NR5A2: variants seen among roughly 807,000 people sequenced by gnomAD.
NR5A2 encodes the protein nuclear receptor subfamily 5 group A member 2.
In NR5A2, 26 loss-of-function variants were observed where a neutral mutation model predicts 62.7. That is an observed-to-expected ratio of 0.41 (90% CI 0.30 to 0.58). The LOEUF (loss-of-function observed/expected upper bound fraction) is 0.58. NR5A2 is among the 20% of genes least tolerant of loss of function. The pLI, the probability that NR5A2 is intolerant of heterozygous loss-of-function variation, is 0.22. For missense variants in NR5A2, 541 were observed against 669.1 expected, an observed-to-expected ratio of 0.81 and a Z score of 2.11; for synonymous variants, 246 against 241.7, an observed-to-expected ratio of 1.02 and a Z score of -0.16.
At position 200,039,417 on chromosome 1, in the gene NR5A2, C is replaced by T. The variant is rs922152600; in HGVS notation, c.65-241C>T. On this transcript the variant is annotated intron_variant, in intron 1 of 7. Transcript: ENST00000367362. This position sits in a 1 kb window ranked among gnomAD's most constrained non-coding sequence, Gnocchi z 5.1. ...GCCACCGCCGCCGCCTGCGCCCTTG[C>T]GGAGCCGAACCAGAGGGCCGGGACG... 2.4e-4 allele frequency among the ~76,000 whole-genome samples: 36 copies of T among 151,990 alleles called. No individual in the cohort carries two copies. The highest frequency in any genetic ancestry group is 2.8e-4 in the Non-Finnish European group (19 of 67,984).
chr1:200,051,259 A>G (rs1412149330), intron 5 of NR5A2, among the ~76,000 whole-genome samples: 1 of 150,670 alleles, frequency 6.6e-6, no homozygotes, highest in African/African-American at 2.5e-5. Flanking sequence ...ACAAGGAAAG[A>G]AATAATGCAT....
chr1:200,039,833 T>C lies in NR5A2; in HGVS notation c.202+38T>C. ...CGCGCGGCGCTCCGGCTCCCGCTGC[T>C]TCCCCACCCCCGGGCTCGCCCTGCA... On this transcript the variant is annotated intron_variant, in intron 2 of 7. Coordinates refer to ENST00000367362, the MANE Select transcript of NR5A2 (RefSeq NM_205860.3). This position sits in a 1 kb window ranked among gnomAD's most constrained non-coding sequence, Gnocchi z 5.1. 3 of 1,575,584 alleles carry C rather than the reference T, an allele frequency of 1.9e-6. No homozygotes were observed. The highest frequency in any genetic ancestry group is 1.8e-5 in the Admixed American group (1 of 55,420).
At chr1:200,029,262 GTC>G in intron 1 of NR5A2, 1 of 190,670 alleles carries the variant, frequency 5.2e-6, no homozygotes, top group Middle Eastern at 7.8e-4. Flanking sequence ...CGCGCGGGCG[GTC>G]TTGGGCTCCT....
chr1:200,147,681 G>A lies in NR5A2; in HGVS notation c.1379-26282G>A. On this transcript the variant is annotated intron_variant, in intron 7 of 7. Transcript: ENST00000367362. The surrounding 1 kb of genome is among the most constrained non-coding windows in gnomAD (Gnocchi z 4.9). ...AGTCGGACACGTGGAAGACATGGGT[G>A]GACTTGGGCTCCGAGGCGATCTCCT... is the stretch of plus-strand genomic sequence containing the variant. The A allele has an allele frequency of 2.9e-6, 2 of 687,922 alleles. No homozygotes were observed. Among genetic ancestry groups the A allele is most frequent in the Non-Finnish European group, 2.8e-6 (1 of 363,540 alleles). The allele number at this position is 687,922 out of a possible 1,614,324, so 42.6% of individuals were successfully genotyped here.
intron 5 of NR5A2, among the ~76,000 whole-genome samples, chr1:200,077,391 T>C (rs1031364194): frequency 2.6e-5 from 4 of 152,214 alleles, no homozygotes; most frequent in East Asian, 3.8e-4. Context: ...ATTAGGTTAG[T>C]GCAAAATTAA....
intron 7 of NR5A2, among the ~76,000 whole-genome samples, chr1:200,123,080 G>A (rs976767509): frequency 6.6e-6 from 1 of 152,146 alleles, no homozygotes; most frequent in Non-Finnish European, 1.5e-5. Context: ...GTCCTAAGCT[G>A]GTACCTGCTG....
intron 5 of NR5A2, among the ~76,000 whole-genome samples, chr1:200,061,078 G>A (rs546705337): frequency 5.0e-5 from 7 of 140,402 alleles, no homozygotes; most frequent in African/African-American, 1.3e-4. Context: ...CAAGATTTGC[G>A]CCACTGTGCT....
chr1:200,075,592 G>A (rs1415196934), intron 5 of NR5A2, among the ~76,000 whole-genome samples: 4 of 152,232 alleles, frequency 2.6e-5, no homozygotes, highest in Non-Finnish European at 4.4e-5. Context: ...GTAATCTGTT[G>A]CGTGCACTTG....
chr1:200,048,539 T>C lies in NR5A2; in HGVS notation c.831T>C (p.Tyr277=). 6.2e-7 allele frequency: 1 copy of C among 1,614,128 alleles called. No homozygotes were observed. The highest frequency in any genetic ancestry group is 2.2e-5 in the East Asian group (1 of 44,882). The change falls in exon 5 of 8, where the codon TAT becomes TAC. Residue 277 remains tyrosine, a synonymous_variant. Coordinates refer to ENST00000367362, the MANE Select transcript of NR5A2 (RefSeq NM_205860.3). This position sits in a 1 kb window ranked among gnomAD's most constrained non-coding sequence, Gnocchi z 4.8. ...RAIKSEYPDP[Y]TSSPESIMGY... ...TCAAGTCTGAGTACCCAGACCCCTA[T>C]ACCAGCTCACCCGAGTCCATAATGG...
At position 200,147,961 on chromosome 1, in the gene NR5A2, C is replaced by T; in HGVS notation, c.1379-26002C>T. 6.1e-6 allele frequency: 2 copies of T among 325,580 alleles called. No homozygotes were observed. The highest frequency in any genetic ancestry group is 1.2e-5 in the Non-Finnish European group (2 of 173,714). 20.2% of individuals were successfully genotyped at this position (325,580 alleles called of 1,614,324 possible). A position where few individuals can be genotyped will look rare whatever the true frequency, so the allele number is the denominator to read the frequency against. ...GGTGTTGGTGTTGCCCTGTGGTAGG[C>T]GATGCATCGGGCGGCCGCCTTGACC... On this transcript the variant is annotated intron_variant, in intron 7 of 7. Coordinates refer to ENST00000367362, the MANE Select transcript of NR5A2 (RefSeq NM_205860.3). The surrounding 1 kb of genome is among the most constrained non-coding windows in gnomAD (Gnocchi z 4.9).
At chr1:200,146,310 A>G (rs1667694287) in intron 7 of NR5A2, among the ~76,000 whole-genome samples, 1 of 152,222 alleles carries the variant, frequency 6.6e-6, no homozygotes, top group South Asian at 2.1e-4. Context: ...TATAAAGAAG[A>G]AATAATGATA....
chr1:200,156,056 T>C (rs895797760), intron 7 of NR5A2, among the ~76,000 whole-genome samples: 26 of 152,364 alleles, frequency 1.7e-4, no homozygotes, highest in Admixed American at 1.0e-3. Flanking sequence ...TAGAGAACTA[T>C]GAGTGGTCGT....
chr1:200,148,794 C>A (rs1667845330), intron 7 of NR5A2, among the ~76,000 whole-genome samples: 1 of 151,586 alleles, frequency 6.6e-6, no homozygotes, highest in South Asian at 2.1e-4. Context: ...GAACTCCAGA[C>A]AAATGGAAAC....
chr1:200,157,323 CCAAA>C (rs1289942719), intron 7 of NR5A2, among the ~76,000 whole-genome samples: 1 of 152,146 alleles, frequency 6.6e-6, no homozygotes, highest in Non-Finnish European at 1.5e-5. Flanking sequence ...TCTGCAAAAA[CCAAA>C]CAATTTTCCC....
rs576327260 is a variant in NR5A2 at position 200,068,178 on chromosome 1, C to A, written c.1110+19360C>A. Among the ~76,000 whole-genome samples, 4 of 152,244 alleles carry A rather than the reference C, an allele frequency of 2.6e-5. No individual in the cohort carries two copies. The East Asian group carries it at 5.8e-4, about 22-fold the overall frequency. ...CTTTTTAAAGAACTCTTTCAACTTTCTTTTCTATAGTAGCACAAGAATCCA... is the reference window on the plus strand; with the variant it reads ...CTTTTTAAAGAACTCTTTCAACTTTATTTTCTATAGTAGCACAAGAATCCA... On this transcript the variant is annotated intron_variant, in intron 5 of 7. Transcript: ENST00000367362.
chr1:200,172,958 G>A (rs1383462692), intron 7 of NR5A2, among the ~76,000 whole-genome samples: 1 of 152,114 alleles, frequency 6.6e-6, no homozygotes, highest in Non-Finnish European at 1.5e-5. Context: ...ACACGTATCT[G>A]TCTATTTTTT....
chr1:200,124,197 G>A (rs1289391608), intron 7 of NR5A2, among the ~76,000 whole-genome samples: 1 of 152,160 alleles, frequency 6.6e-6, no homozygotes, highest in Admixed American at 6.5e-5. Flanking sequence ...AGAGTTGAGA[G>A]GGAAAAGTCT....
At chr1:200,069,950 TG>T (rs1165554482) in intron 5 of NR5A2, among the ~76,000 whole-genome samples, 1 of 152,200 alleles carries the variant, frequency 6.6e-6, no homozygotes, top group Non-Finnish European at 1.5e-5. Context: ...GATATTTTTA[TG>T]AAAAGTTTGC....
intron 7 of NR5A2, among the ~76,000 whole-genome samples, chr1:200,127,952 A>G (rs1292692584): frequency 6.6e-6 from 1 of 151,716 alleles, no homozygotes; most frequent in Non-Finnish European, 1.5e-5. Flanking sequence ...TAGGACAGTC[A>G]TCTGAAGAAT....
Sources: allele counts gnomAD v4.1 joint callset (sites outside exome capture counted in the v4.1 genomes callset), GRCh38; gene constraint gnomAD v4.1.1; non-coding constraint Gnocchi (gnomAD v3.1); transcripts MANE v1.5; gene names NCBI Gene and HGNC (gene_info 2026-07-23, HGNC 2026-07-21).